Variants in ISM1 observed in about 807,000 individuals in gnomAD.
ISM1 encodes isthmin-1.
A neutral mutation model predicts 46.3 loss-of-function variants in ISM1; 25 were observed. The ratio of observed to expected loss-of-function variants is 0.54; its 90% CI spans 0.39 to 0.75. The LOEUF is 0.75. ISM1 is among the 30% of genes least tolerant of loss of function. The probability of loss-of-function intolerance (pLI) is 0.00; values close to 1 mark genes in which losing one functional copy is unlikely to be tolerated. For synonymous variants in ISM1, 255 were observed against 256.7 expected (o/e 0.99, Z 0.06); for missense variants, 536 against 625.4 (o/e 0.86, Z 1.52).
intron 1 of ISM1, chr20:13,239,806 A>G (rs2039697108): frequency 6.6e-6 from 1 of 152,234 alleles, no homozygotes; most frequent in Admixed American, 6.5e-5. Context: ...AAATTAAAAG[A>G]TTTGGCTAAG....
chr20:13,271,509 G>A lies in ISM1; in HGVS notation c.378+766G>A, dbSNP rs368468114. Among the ~76,000 whole-genome samples the A allele has an allele frequency of 3.3e-4, 51 of 152,328 alleles. No individual in the cohort carries two copies. The East Asian group carries it at 8.9e-3, about 27-fold the overall frequency. On this transcript the variant is annotated intron_variant, in intron 2 of 5. Transcript: ENST00000262487. ...CACCCTCATGAAGGAGACAAAGCCCGTGTCATTTTTCTAATACTATTGGTA... is the reference window on the plus strand; with the variant it reads ...CACCCTCATGAAGGAGACAAAGCCCATGTCATTTTTCTAATACTATTGGTA...
At chr20:13,288,830 G>A (rs2040322268) in intron 4 of ISM1, 147 bp downstream of exon 4, 9 of 802,836 alleles carry the variant, frequency 1.1e-5, no homozygotes, top group African/African-American at 1.7e-5. Flanking sequence ...TGTCGCCCAG[G>A]CTGGAGTGCA....
intron 1 of ISM1, among the ~76,000 whole-genome samples, chr20:13,246,005 C>T (rs369271893): frequency 1.4e-4 from 21 of 152,340 alleles, no homozygotes; most frequent in African/African-American, 4.8e-4. Context: ...CTGTGGCTCA[C>T]GCCTATAATC....
chr20:13,302,816 G>C (rs1014124007), downstream of ISM1, among the ~76,000 whole-genome samples: 1 of 152,156 alleles, frequency 6.6e-6, no homozygotes, highest in Admixed American at 6.6e-5. Context: ...AGATGCCCAC[G>C]GCCCTCTAGT....
intron 1 of ISM1, among the ~76,000 whole-genome samples, chr20:13,224,712 A>G (rs1179492801): frequency 6.6e-6 from 1 of 152,190 alleles, no homozygotes; most frequent in Non-Finnish European, 1.5e-5. Context: ...ACACATTCTT[A>G]TTTAAGGATA....
rs2039500272 is a variant in ISM1, at chr20:13,224,977, C to T, written c.138+3063C>T. 4.0e-5 allele frequency among the ~76,000 whole-genome samples: 6 copies of T among 151,098 alleles called. No individual in the cohort carries two copies. In the South Asian group the frequency reaches 1.3e-3, roughly 32 times the overall value. ...TCTCCTGCCTCAGCCTCCCAAGTAG[C>T]TGGGACTACAGGCGCCTGCCACCAC... On this transcript the variant is annotated intron_variant, in intron 1 of 5. Coordinates refer to ENST00000262487, the MANE Select transcript of ISM1 (RefSeq NM_080826.2).
chr20:13,258,698 A>T (rs2039953863), intron 1 of ISM1, among the ~76,000 whole-genome samples: 1 of 152,098 alleles, frequency 6.6e-6, no homozygotes, highest in South Asian at 2.1e-4. Context: ...TGAGAACAAC[A>T]CTGGGAGGAG....
At chr20:13,297,232 C>G (rs1484680835) in intron 5 of ISM1, among the ~76,000 whole-genome samples, 2 of 152,042 alleles carry the variant, frequency 1.3e-5, no homozygotes, top group Admixed American at 6.6e-5. Flanking sequence ...TGGGGGACTC[C>G]TAACCTTCAC....
At chr20:13,262,866 G>C (rs1440533488) in intron 1 of ISM1, among the ~76,000 whole-genome samples, 1 of 152,158 alleles carries the variant, frequency 6.6e-6, no homozygotes, top group Non-Finnish European at 1.5e-5. Context: ...TCTAAAGCCT[G>C]AGATAATAAA....
At chr20:13,226,153 TA>T (rs573837524) in intron 1 of ISM1, among the ~76,000 whole-genome samples, 108 of 150,024 alleles carry the variant, frequency 7.2e-4, no homozygotes, top group Non-Finnish European at 9.8e-4. Context: ...TCGAATGTAG[TA>T]AAATGTCTTT....
intron 2 of ISM1, among the ~76,000 whole-genome samples, chr20:13,278,826 G>A (rs1295088192): frequency 1.3e-5 from 2 of 152,192 alleles, no homozygotes; most frequent in African/African-American, 4.8e-5. Context: ...TCACATGACT[G>A]AGGCCTCAGA....
intron 1 of ISM1, among the ~76,000 whole-genome samples, chr20:13,260,811 CT>C (rs2039980727): frequency 6.6e-6 from 1 of 152,274 alleles, no homozygotes; most frequent in Admixed American, 6.5e-5. Context: ...GGTTCACTAG[CT>C]TAAACCCGCA....
At chr20:13,302,978 C>T (rs949744938), downstream of ISM1, among the ~76,000 whole-genome samples, 7 of 152,118 alleles carry the variant, frequency 4.6e-5, no homozygotes, top group African/African-American at 1.4e-4. Context: ...GTCTTAACGC[C>T]GGGGATTAAA....
intron 1 of ISM1, among the ~76,000 whole-genome samples, chr20:13,245,597 T>G (rs1190321529): frequency 1.3e-5 from 2 of 152,150 alleles, no homozygotes; most frequent in Non-Finnish European, 2.9e-5. Flanking sequence ...TACCTGCCCA[T>G]TCCTGTGTGT....
Position 13,221,715 on chromosome 20 carries a change from C to G in ISM1, c.-62C>G. On this transcript the variant is annotated 5_prime_UTR_variant, in exon 1 of 6. Transcript: ENST00000262487. ...TCCCGGGCTCCTACTCCTCCTCCCCCGGCGTCACCGCCGCCGCCGCCGGCC... is the reference window on the plus strand; with the variant it reads ...TCCCGGGCTCCTACTCCTCCTCCCCGGGCGTCACCGCCGCCGCCGCCGGCC... 3.0e-6 allele frequency: 4 copies of G among 1,318,790 alleles called. No homozygotes were observed. The highest frequency in any genetic ancestry group is 3.9e-6 in the Non-Finnish European group (4 of 1,034,652). The allele number at this position is 1,318,790 out of a possible 1,614,324, so 81.7% of individuals were successfully genotyped here.
At chr20:13,263,408 C>T (rs966731031) in intron 1 of ISM1, among the ~76,000 whole-genome samples, 3 of 151,794 alleles carry the variant, frequency 2.0e-5, no homozygotes, top group Admixed American at 6.6e-5. Flanking sequence ...AACAAGTGTG[C>T]CCCTTCTAGA....
chr20:13,242,418 C>T (rs1407334), intron 1 of ISM1, among the ~76,000 whole-genome samples: 38,114 of 151,836 alleles, frequency 0.25, 4,823 homozygotes, highest in African/African-American at 0.3. Context: ...AGGAGTTAGC[C>T]ATGGAACCAA....
At chr20:13,319,010 A>G in the ISM1 span, among the ~76,000 whole-genome samples, 3 of 152,178 alleles carry the variant, frequency 2.0e-5, no homozygotes, top group South Asian at 6.2e-4. Context: ...AGTGAACCCT[A>G]ATGAACTCTG....
At chr20:13,260,005 A>C (rs1359398834) in intron 1 of ISM1, among the ~76,000 whole-genome samples, 2 of 152,258 alleles carry the variant, frequency 1.3e-5, no homozygotes, top group African/African-American at 4.8e-5. Flanking sequence ...TAGAGCTAAC[A>C]GCCCAGCTTC....
Sources: allele counts gnomAD v4.1 joint callset (sites outside exome capture counted in the v4.1 genomes callset), GRCh38; gene constraint gnomAD v4.1.1; transcripts MANE v1.5; gene names NCBI Gene and HGNC (gene_info 2026-07-23, HGNC 2026-07-21).